The following PTPRJ variants were observed in gnomAD, a reference collection of about 807,000 sequenced individuals.
PTPRJ encodes the protein protein tyrosine phosphatase receptor type J, also known as receptor-type tyrosine-protein phosphatase eta.
A neutral mutation model predicts 141.3 loss-of-function variants in PTPRJ; 129 were observed. That is an observed-to-expected ratio of 0.91 (90% CI 0.79 to 1.06). The LOEUF is 1.06. Among genes scored for constraint, PTPRJ ranks in the 50% least tolerant of loss-of-function variants. The pLI is 0.00. For synonymous variants in PTPRJ, 610 were observed against 640.5 expected (o/e 0.95, Z 0.72); for missense variants, 1,601 against 1,679.7 (o/e 0.95, Z 0.82).
At chr11:48,049,496 G>A (rs187630915) in intron 1 of PTPRJ, among the ~76,000 whole-genome samples, 4 of 146,294 alleles carry the variant, frequency 2.7e-5, no homozygotes, top group Admixed American at 1.3e-4. Flanking sequence ...TGGCCAATGC[G>A]GTGAAACCCC....
In PTPRJ at chr11:48,112,773, G is replaced by A. The variant is rs767325583; in HGVS notation, c.142G>A (p.Val48Ile). Residue 48 changes from valine to isoleucine, a missense_variant, in exon 3 of 25, where the codon GTA (valine) becomes ATA (isoleucine). Coordinates refer to ENST00000418331, the MANE Select transcript of PTPRJ (RefSeq NM_002843.4). ...CCCTAGTCCAATTCCTGACCCTTCA[G>A]TAGCAACTGTTGCCACAGGGGAAAA... ...GTPSPIPDPSVATVATGENGI... is the reference protein window; with the variant it reads ...GTPSPIPDPSIATVATGENGI... 6.2e-7 allele frequency: 1 copy of A among 1,614,072 alleles called. No homozygotes were observed. The highest frequency in any genetic ancestry group is 8.5e-7 in the Non-Finnish European group (1 of 1,179,942).
chr11:48,156,175 T>C (rs1353691922), intron 21 of PTPRJ, 56 bp downstream of exon 21: 2 of 1,431,752 alleles, frequency 1.4e-6, no homozygotes, highest in East Asian at 4.8e-5. Flanking sequence ...CTTTTTATTG[T>C]GGCAGAAGGG....
chr11:48,085,495 C>T (rs1168271739), intron 1 of PTPRJ, among the ~76,000 whole-genome samples: 1 of 152,110 alleles, frequency 6.6e-6, no homozygotes, highest in Non-Finnish European at 1.5e-5. Context: ...CAGGCACCCG[C>T]CACCACACTT....
chr11:47,982,244 G>A (rs936230427), intron 1 of PTPRJ, among the ~76,000 whole-genome samples: 37 of 152,226 alleles, frequency 2.4e-4, no homozygotes, highest in African/African-American at 8.4e-4. Context: ...GTGACCTCCT[G>A]CAGAGAACCT....
chr11:48,137,663 T>C (rs1857136880), intron 10 of PTPRJ, among the ~76,000 whole-genome samples: 2 of 152,092 alleles, frequency 1.3e-5, no homozygotes, highest in Admixed American at 1.3e-4. Flanking sequence ...GGCAGAGGCC[T>C]GTGCAGAGGG....
intron 1 of PTPRJ, among the ~76,000 whole-genome samples, chr11:48,002,139 T>G (rs1854515168): frequency 7.6e-6 from 1 of 130,774 alleles, no homozygotes; most frequent in African/African-American, 4.2e-5. Context: ...TATTTAAATT[T>G]TTTTTTTTTT....
chr11:47,998,991 A>G (rs1681625), intron 1 of PTPRJ, among the ~76,000 whole-genome samples: 10,115 of 152,286 alleles, frequency 0.066, 1,088 homozygotes, highest in African/African-American at 0.23. Context: ...GCTCATTGCC[A>G]TGCAACTTGG....
At chr11:48,013,477 C>G (rs566389261) in intron 1 of PTPRJ, among the ~76,000 whole-genome samples, 1 of 152,126 alleles carries the variant, frequency 6.6e-6, no homozygotes, top group Admixed American at 6.5e-5. Flanking sequence ...CCTGGCCTCC[C>G]GGAAGTGCTC....
chr11:48,110,370 CTAA>C (rs1856408475), intron 2 of PTPRJ, among the ~76,000 whole-genome samples: 1 of 152,104 alleles, frequency 6.6e-6, no homozygotes, highest in South Asian at 2.1e-4. Context: ...CCATGTCCGG[CTAA>C]TTTTTTGTAT....
chr11:48,049,021 A>T (rs777215976), intron 1 of PTPRJ, among the ~76,000 whole-genome samples: 12 of 151,948 alleles, frequency 7.9e-5, no homozygotes, highest in Non-Finnish European at 1.5e-4. Flanking sequence ...ATAAACCTTC[A>T]CTTATAGTCC....
intron 1 of PTPRJ, among the ~76,000 whole-genome samples, chr11:48,027,230 A>G (rs1037500559): frequency 1.1e-4 from 16 of 150,746 alleles, no homozygotes; most frequent in Admixed American, 5.3e-4. Context: ...GATGGTCTTG[A>G]TCTCCTGACC....
rs1414342444 is a variant in PTPRJ at position 48,137,035 on chromosome 11, A to G, written c.1906A>G (p.Thr636Ala). ...CAATGTGTCCAACATTGATGTAAGT[A>G]CCAACACCACAGCAGCAACTTTAAG... ...PSNVSNIDVSTNTTAATLSWQ... is the reference protein window; with the variant it reads ...PSNVSNIDVSANTTAATLSWQ... Residue 636 changes from threonine (T) to alanine (A), a missense_variant, in exon 10 of 25, where the codon ACC (threonine) becomes GCC (alanine). Coordinates refer to ENST00000418331, the MANE Select transcript of PTPRJ (RefSeq NM_002843.4). 3 of 1,605,848 alleles carry G rather than the reference A, an allele frequency of 1.9e-6. No individual in the cohort carries two copies. The highest frequency in any genetic ancestry group is 2.7e-5 in the African/African-American group (2 of 74,698).
chr11:47,987,391 T>C (rs1027096201), intron 1 of PTPRJ, among the ~76,000 whole-genome samples: 1 of 152,174 alleles, frequency 6.6e-6, no homozygotes, highest in Non-Finnish European at 1.5e-5. Flanking sequence ...GTGAGTATGA[T>C]GTGGTTATGA....
chr11:48,050,478 G>A (rs1302564216), intron 1 of PTPRJ, among the ~76,000 whole-genome samples: 1 of 152,188 alleles, frequency 6.6e-6, no homozygotes, highest in Non-Finnish European at 1.5e-5. Flanking sequence ...GTTTGGACAA[G>A]GTATGATGAC....
chr11:47,993,699 A>G (rs1034997889), intron 1 of PTPRJ, among the ~76,000 whole-genome samples: 1 of 152,130 alleles, frequency 6.6e-6, no homozygotes, highest in Non-Finnish European at 1.5e-5. Context: ...CCTGACCTCT[A>G]GCTCTAGGCT....
At chr11:48,033,636 C>T (rs1374061628) in intron 1 of PTPRJ, among the ~76,000 whole-genome samples, 1 of 152,116 alleles carries the variant, frequency 6.6e-6, no homozygotes, top group Non-Finnish European at 1.5e-5. Context: ...TGTGGAAATC[C>T]CTCAGAATGA....
intron 1 of PTPRJ, among the ~76,000 whole-genome samples, chr11:48,052,918 C>A (rs1854613408): frequency 6.6e-6 from 1 of 151,094 alleles, no homozygotes; most frequent in East Asian, 1.9e-4. Context: ...AGGGGCCTGG[C>A]AGCCACAGAG....
intron 1 of PTPRJ, among the ~76,000 whole-genome samples, chr11:48,014,094 G>A (rs930800261): frequency 1.3e-5 from 2 of 152,160 alleles, no homozygotes; most frequent in South Asian, 2.1e-4. Flanking sequence ...GGGTATTGGC[G>A]TGAAGAGTGT....
intron 1 of PTPRJ, among the ~76,000 whole-genome samples, chr11:48,078,425 A>G (rs1365059324): frequency 1.3e-5 from 2 of 152,200 alleles, no homozygotes; most frequent in African/African-American, 2.4e-5. Context: ...TTAGGAGACA[A>G]GGGTGGAAAG....
Sources: allele counts gnomAD v4.1 joint callset (sites outside exome capture counted in the v4.1 genomes callset), GRCh38; gene constraint gnomAD v4.1.1; transcripts MANE v1.5; gene names NCBI Gene and HGNC (gene_info 2026-07-23, HGNC 2026-07-21).